Variants in TIMD4 observed in about 807,000 individuals in gnomAD.
TIMD4 encodes T cell immunoglobulin and mucin domain containing 4, also known as T-cell immunoglobulin and mucin domain-containing protein 4.
TIMD4 carries 31 observed loss-of-function variants against 41.2 expected under a neutral mutation model. The ratio of observed to expected loss-of-function variants is 0.75; its 90% CI spans 0.57 to 1.01. The LOEUF is 1.01. Ranked by LOEUF, TIMD4 falls within the 50% of genes least tolerant of loss-of-function variation. TIMD4 has a pLI of 0.00. For synonymous variants in TIMD4, 204 were observed against 177.1 expected (o/e 1.15, Z -1.21); for missense variants, 479 against 472.5 (o/e 1.01, Z -0.13).
rs114036432 is a variant in TIMD4, at chr5:156,950,855, C to T, written c.679+657G>A. On this transcript the variant is annotated intron_variant, in intron 3 of 8. Transcript: ENST00000274532. ...TGGAGTCTGACCAGGAGTGACCTTT[C>T]CTGGTTCTTCAATAAACATCTCTTG... Among the ~76,000 whole-genome samples the T allele has an allele frequency of 1.5e-3, 236 of 152,274 alleles. 1 individual carries two copies. The highest frequency in any genetic ancestry group is 5.5e-3 in the African/African-American group (228 of 41,542).
chr5:156,961,837 G>GAAAAAA (rs1753066060), intron 1 of TIMD4, among the ~76,000 whole-genome samples: 1 of 66,480 alleles, frequency 1.5e-5, no homozygotes, highest in Admixed American at 1.9e-4. Flanking sequence ...AAAAAAAAAA[G>GAAAAAA]AAAGAAAAAA....
intron 5 of TIMD4, among the ~76,000 whole-genome samples, chr5:156,947,993 T>C (rs926623942): frequency 6.6e-6 from 1 of 152,166 alleles, no homozygotes; most frequent in Non-Finnish European, 1.5e-5. Flanking sequence ...AGGTCAGCAG[T>C]TGCTAAGGAA....
chr5:156,961,435 A>G (rs958532511), intron 1 of TIMD4, among the ~76,000 whole-genome samples: 1 of 152,240 alleles, frequency 6.6e-6, no homozygotes, highest in Non-Finnish European at 1.5e-5. Context: ...TCCCATGTTT[A>G]TTACAGCACT....
chr5:156,922,351 T>C (rs11134456), intron 6 of TIMD4, 135 bp from the exon 7 acceptor site: 205,625 of 800,590 alleles, frequency 0.26, 28,274 homozygotes, highest in African/African-American at 0.39. Context: ...CAAAAATCTC[T>C]GAAAACCCAA....
intron 5 of TIMD4, among the ~76,000 whole-genome samples, chr5:156,935,182 CT>C (rs61559039): frequency 1.3e-3 from 192 of 144,006 alleles, no homozygotes; most frequent in East Asian, 1.4e-3. Flanking sequence ...CCTCCAATTT[CT>C]TTTTTTTTTT....
chr5:156,923,262 C>T (rs1011294223), intron 6 of TIMD4, among the ~76,000 whole-genome samples: 6 of 151,464 alleles, frequency 4.0e-5, no homozygotes, highest in Non-Finnish European at 5.9e-5. Flanking sequence ...AATTCTCCTG[C>T]CTCAACCTCC....
chr5:156,948,529 A>C, intron 4 of TIMD4, 30 bp from the exon 5 acceptor site: 1 of 1,467,196 alleles, frequency 6.8e-7, no homozygotes, highest in Non-Finnish European at 9.2e-7. Context: ...AACAGAAAAC[A>C]GACTTAGGTA....
intron 2 of TIMD4, among the ~76,000 whole-genome samples, chr5:156,954,030 T>G (rs56990826): frequency 1.3e-5 from 2 of 152,200 alleles, no homozygotes; most frequent in Non-Finnish European, 1.5e-5. Context: ...AGGTGACCCC[T>G]GAATACATTT....
chr5:156,922,742 G>A (rs551986183), intron 6 of TIMD4, among the ~76,000 whole-genome samples: 6 of 151,922 alleles, frequency 3.9e-5, no homozygotes, highest in Non-Finnish European at 7.4e-5. Context: ...TATGTGATGT[G>A]TGATGTCATT....
chr5:156,956,606 C>T (rs750695478), intron 1 of TIMD4, among the ~76,000 whole-genome samples: 7 of 152,242 alleles, frequency 4.6e-5, no homozygotes, highest in Non-Finnish European at 1.0e-4. Context: ...ACAAGCTCCT[C>T]TAAGATTCCT....
At chr5:156,953,674 A>AAAAAG (rs1554084030) in intron 2 of TIMD4, among the ~76,000 whole-genome samples, 2 of 148,944 alleles carry the variant, frequency 1.3e-5, no homozygotes, top group Non-Finnish European at 3.0e-5. Context: ...AAAAAAAAAA[A>AAAAAG]AGAGAGAGAG....
In TIMD4 at chr5:156,919,383, A is replaced by T; in HGVS notation, c.*74T>A. On this transcript the variant is annotated 3_prime_UTR_variant, in exon 9 of 9. Coordinates refer to ENST00000274532, the MANE Select transcript of TIMD4 (RefSeq NM_138379.3). Reference sequence around the variant, plus strand: ...ATAAGTGAGTCTTTTTTATGAAACAAGGAAATCTACTAAGACTTATTTTGA... The same window carrying T: ...ATAAGTGAGTCTTTTTTATGAAACATGGAAATCTACTAAGACTTATTTTGA... 7.3e-7 allele frequency: 1 copy of T among 1,370,568 alleles called. No homozygotes were observed. Among genetic ancestry groups the T allele is most frequent in the Non-Finnish European group, 1.0e-6 (1 of 969,016 alleles). The allele number at this position is 1,370,568 out of a possible 1,614,324, so 84.9% of individuals were successfully genotyped here. A position where few individuals can be genotyped will look rare whatever the true frequency, so the allele number is the denominator to read the frequency against.
At chr5:156,943,703 C>A (rs1388769406) in intron 5 of TIMD4, among the ~76,000 whole-genome samples, 1 of 152,000 alleles carries the variant, frequency 6.6e-6, no homozygotes, top group African/African-American at 2.4e-5. Flanking sequence ...AGAGAGGAGG[C>A]CTTTTGGGAG....
chr5:156,948,764 A>G (rs1759793595), intron 4 of TIMD4, among the ~76,000 whole-genome samples: 1 of 152,268 alleles, frequency 6.6e-6, no homozygotes, highest in African/African-American at 2.4e-5. Flanking sequence ...AGCTAAAATC[A>G]CACAGCAGGA....
chr5:156,920,527 G>C, intron 7 of TIMD4, 24 bp from the exon 8 acceptor site: 1 of 1,613,436 alleles, frequency 6.2e-7, no homozygotes, highest in Non-Finnish European at 8.5e-7. Flanking sequence ...GCCACAGTGT[G>C]AGCAGAGTGG....
intron 2 of TIMD4, 64 bp from the exon 3 acceptor site, chr5:156,951,854 G>T (rs968415280): frequency 6.3e-6 from 10 of 1,593,754 alleles, no homozygotes; most frequent in African/African-American, 2.7e-5. Context: ...AATAATGCAA[G>T]TATATCTGGG....
At chr5:156,932,017 G>T (rs930532561) in intron 5 of TIMD4, among the ~76,000 whole-genome samples, 3 of 147,052 alleles carry the variant, frequency 2.0e-5, no homozygotes, top group African/African-American at 7.9e-5. Context: ...ATAAAACTAC[G>T]CTTAGTATAG....
At chr5:156,955,800 T>A (rs2113392520) in intron 1 of TIMD4, among the ~76,000 whole-genome samples, 1 of 152,370 alleles carries the variant, frequency 6.6e-6, no homozygotes, top group Non-Finnish European at 1.5e-5. Context: ...TGTTTGCTGT[T>A]AGATAATATG....
chr5:156,933,549 T>A (rs1397797730), intron 5 of TIMD4, among the ~76,000 whole-genome samples: 4 of 23,426 alleles, frequency 1.7e-4, no homozygotes, highest in Admixed American at 7.6e-4. Flanking sequence ...AGAGTGTTGT[T>A]TTGTTTTGTT....
Sources: allele counts gnomAD v4.1 joint callset (sites outside exome capture counted in the v4.1 genomes callset), GRCh38; gene constraint gnomAD v4.1.1; transcripts MANE v1.5; gene names NCBI Gene and HGNC (gene_info 2026-07-23, HGNC 2026-07-21).